SLC25A48: variants seen among roughly 807,000 people sequenced by gnomAD.
SLC25A48 encodes the protein solute carrier family 25 member 48, also known as CTC-321K16.1.
Under a neutral mutation model 32.2 loss-of-function variants are expected in SLC25A48, and 29 were observed. The observed-to-expected ratio is 0.90, with a 90% CI of 0.67 to 1.23. The LOEUF (loss-of-function observed/expected upper bound fraction) is 1.23. Ranked by LOEUF, SLC25A48 falls within the 50% of genes most tolerant of loss-of-function variation. The pLI, the probability that SLC25A48 is intolerant of heterozygous loss-of-function variation, is 0.00. For missense variants in SLC25A48, 399 were observed against 422.7 expected (o/e 0.94, Z 0.49); for synonymous variants, 164 against 172.3 (o/e 0.95, Z 0.38).
At chr5:135,643,132 G>A (rs1308873750) in intron 3 of SLC25A48, among the ~76,000 whole-genome samples, 3 of 152,198 alleles carry the variant, frequency 2.0e-5, no homozygotes, top group African/African-American at 7.2e-5. Context: ...CCCGGACTGC[G>A]ACACATCCTT....
chr5:135,758,650 GT>G (rs958828561), intron 3 of SLC25A48, among the ~76,000 whole-genome samples: 40 of 150,492 alleles, frequency 2.7e-4, no homozygotes, highest in African/African-American at 9.7e-4. Flanking sequence ...ATAATATGTA[GT>G]GTTAACACAC....
intron 1 of SLC25A48, among the ~76,000 whole-genome samples, chr5:135,619,386 A>C (rs1752268224): frequency 6.6e-6 from 1 of 152,102 alleles, no homozygotes; most frequent in African/African-American, 2.4e-5. Context: ...GCTTTTTGGT[A>C]AATTTCTCTT....
At chr5:135,635,230 C>A (rs1483912811) in intron 3 of SLC25A48, among the ~76,000 whole-genome samples, 1 of 152,206 alleles carries the variant, frequency 6.6e-6, no homozygotes, top group Admixed American at 6.5e-5. Flanking sequence ...GTGGAACATT[C>A]TCCTGCCACA....
intron 4 of SLC25A48, among the ~76,000 whole-genome samples, chr5:135,820,059 T>A (rs1757840180): frequency 7.0e-6 from 1 of 142,728 alleles, no homozygotes; most frequent in African/African-American, 2.5e-5. Flanking sequence ...GTGATCAAAC[T>A]ACTCAAATCC....
intron 3 of SLC25A48, among the ~76,000 whole-genome samples, chr5:135,807,406 A>G (rs959614175): frequency 6.6e-6 from 1 of 150,712 alleles, no homozygotes; most frequent in African/African-American, 2.4e-5. Context: ...ATATTTCATT[A>G]ATATCCTAGT....
chr5:135,746,334 C>A, intron 3 of SLC25A48: 1 of 159,862 alleles, frequency 6.3e-6, no homozygotes, highest in South Asian at 1.6e-4. Context: ...CTTGGCCTCC[C>A]TGGGCACTGA....
chr5:135,884,279 G>C (rs1762644930), intron 7 of SLC25A48, among the ~76,000 whole-genome samples: 1 of 152,220 alleles, frequency 6.6e-6, no homozygotes, highest in Non-Finnish European at 1.5e-5. Context: ...TGGTGCAAAA[G>C]AGTTGAAAGT....
At chr5:135,615,410 T>C (rs1450772366) in intron 1 of SLC25A48, among the ~76,000 whole-genome samples, 2 of 152,196 alleles carry the variant, frequency 1.3e-5, no homozygotes, top group African/African-American at 4.8e-5. Flanking sequence ...ACAAAGAGGT[T>C]GGTGGCATTG....
At chr5:135,852,943 T>A (rs530894645) in intron 4 of SLC25A48, 122 bp downstream of exon 4, 3 of 1,311,208 alleles carry the variant, frequency 2.3e-6, no homozygotes, top group Non-Finnish European at 3.1e-6. Context: ...TGTCACCTAG[T>A]AGTCCGTAAT....
chr5:135,844,816 C>CAA (rs887343959), intron 2 of SLC25A48, among the ~76,000 whole-genome samples: 67 of 152,224 alleles, frequency 4.4e-4, no homozygotes, highest in African/African-American at 1.6e-3. Context: ...CAGTGGGACA[C>CAA]CTCAAAAGAT....
intron 3 of SLC25A48, among the ~76,000 whole-genome samples, chr5:135,782,041 GT>G (rs1205921268): frequency 8.8e-6 from 1 of 113,244 alleles, no homozygotes; most frequent in East Asian, 2.2e-4. Context: ...ATATCACAGG[GT>G]GTCTACACCT....
chr5:135,880,234 G>A, intron 7 of SLC25A48, 137 bp downstream of exon 7: 4 of 1,282,146 alleles, frequency 3.1e-6, no homozygotes, highest in Non-Finnish European at 4.2e-6. Flanking sequence ...GGCTGGGGCT[G>A]CCACCCTTTT....
chr5:135,758,655 AAC>A (rs754406979), intron 3 of SLC25A48, among the ~76,000 whole-genome samples: 5 of 150,718 alleles, frequency 3.3e-5, no homozygotes, highest in Admixed American at 6.6e-5. Context: ...ATGTAGTGTT[AAC>A]ACACTATGAT....
At chr5:135,840,934 A>G (rs1758936189) in intron 1 of SLC25A48, among the ~76,000 whole-genome samples, 1 of 152,156 alleles carries the variant, frequency 6.6e-6, no homozygotes, top group Non-Finnish European at 1.5e-5. Flanking sequence ...GTATATATGT[A>G]GGAATTGAAT....
At chr5:135,732,475 A>G (rs1310263055) in intron 3 of SLC25A48, among the ~76,000 whole-genome samples, 1 of 149,206 alleles carries the variant, frequency 6.7e-6, no homozygotes, top group African/African-American at 2.6e-5. Flanking sequence ...AGTAAAGTCA[A>G]TTTGCCAGTC....
intron 3 of SLC25A48, among the ~76,000 whole-genome samples, chr5:135,781,360 G>C (rs1212181907): frequency 1.7e-5 from 2 of 116,752 alleles, no homozygotes; most frequent in East Asian, 2.1e-4. Flanking sequence ...GGATGTGTAC[G>C]CCTCTCTGTG....
intron 3 of SLC25A48, among the ~76,000 whole-genome samples, chr5:135,695,526 T>A (rs936838755): frequency 1.3e-5 from 2 of 152,206 alleles, no homozygotes; most frequent in African/African-American, 4.8e-5. Context: ...CTCCTGCCCC[T>A]GGTATGCCAA....
intron 3 of SLC25A48, among the ~76,000 whole-genome samples, chr5:135,723,631 C>T (rs1264315083): frequency 6.6e-6 from 1 of 151,206 alleles, no homozygotes; most frequent in Admixed American, 6.6e-5. Context: ...TGAAGCAAAT[C>T]AACTGTTTTT....
intron 3 of SLC25A48, among the ~76,000 whole-genome samples, chr5:135,759,799 C>T (rs563720609): frequency 6.6e-5 from 10 of 150,970 alleles, no homozygotes; most frequent in African/African-American, 2.4e-4. Context: ...GATTGAAGAG[C>T]GTGTGTATTT....
Sources: gnomAD v4.1 joint callset for allele counts (sites outside exome capture counted in the v4.1 genomes callset) on GRCh38, gnomAD v4.1.1 for gene constraint, MANE v1.5 for transcripts, NCBI Gene and HGNC (gene_info 2026-07-23, HGNC 2026-07-21) for gene names.